Variants in PPARGC1A observed in about 807,000 individuals in gnomAD.
PPARGC1A encodes the protein PPARG coactivator 1 alpha, also known as peroxisome proliferator-activated receptor gamma coactivator 1-alpha.
A neutral mutation model predicts 88.7 loss-of-function variants in PPARGC1A; 25 were observed. The ratio of observed to expected loss-of-function variants is 0.28; its 90% confidence interval spans 0.21 to 0.39. The LOEUF is 0.39. Among genes scored for constraint, PPARGC1A ranks in the 10% least tolerant of loss-of-function variants. The pLI, the probability that PPARGC1A is intolerant of heterozygous loss-of-function variation, is 1.00. For synonymous variants in PPARGC1A, 363 were observed against 355.6 expected (o/e 1.02, Z -0.24); for missense variants, 880 against 968.7 (o/e 0.91, Z 1.22).
chr4:24,229,893 A>T, the PPARGC1A span, among the ~76,000 whole-genome samples: 1 of 151,608 alleles, frequency 6.6e-6, no homozygotes, highest in South Asian at 2.1e-4. Flanking sequence ...CTTTCTGTTC[A>T]TTGGATGCCT....
the PPARGC1A span, among the ~76,000 whole-genome samples, chr4:24,029,118 C>G: frequency 2.0e-5 from 3 of 152,112 alleles, no homozygotes; most frequent in East Asian, 3.9e-4. Flanking sequence ...CAAAGAGAAC[C>G]AAAAATTCAA....
chr4:24,406,413 G>T, the PPARGC1A span, among the ~76,000 whole-genome samples: 1 of 152,180 alleles, frequency 6.6e-6, no homozygotes, highest in Non-Finnish European at 1.5e-5. Context: ...CACCATTATT[G>T]TGTCTGTTTG....
the PPARGC1A span, among the ~76,000 whole-genome samples, chr4:24,038,072 T>C: frequency 1.3e-5 from 2 of 152,190 alleles, no homozygotes; most frequent in African/African-American, 2.4e-5. Context: ...AAGCACAGAA[T>C]AGAATGGATT....
At chr4:24,416,508 C>T in the PPARGC1A span, among the ~76,000 whole-genome samples, 5 of 152,228 alleles carry the variant, frequency 3.3e-5, no homozygotes, top group East Asian at 5.8e-4. Flanking sequence ...GGGCCAGAGA[C>T]AAAGACCTGA....
chr4:24,296,283 A>G, the PPARGC1A span, among the ~76,000 whole-genome samples: 3 of 151,810 alleles, frequency 2.0e-5, no homozygotes, highest in African/African-American at 7.3e-5. Context: ...ATTGTTTAGT[A>G]TAAGCATGTT....
the PPARGC1A span, among the ~76,000 whole-genome samples, chr4:24,119,253 C>T: frequency 1.3e-5 from 2 of 152,146 alleles, no homozygotes; most frequent in Non-Finnish European, 2.9e-5. Flanking sequence ...TAAAACCTCT[C>T]GATCTAAGCA....
At chr4:24,128,919 A>G in the PPARGC1A span, among the ~76,000 whole-genome samples, 2 of 152,218 alleles carry the variant, frequency 1.3e-5, no homozygotes, top group Admixed American at 6.5e-5. Context: ...AGAATGACAT[A>G]GAAAGTAACA....
the PPARGC1A span, among the ~76,000 whole-genome samples, chr4:24,191,280 T>A: frequency 6.6e-6 from 1 of 152,224 alleles, no homozygotes; most frequent in South Asian, 2.1e-4. Context: ...GGTACCAGGC[T>A]ATGTATTTCA....
intron 10 of PPARGC1A, among the ~76,000 whole-genome samples, chr4:23,806,100 A>C (rs1719756228): frequency 6.6e-6 from 1 of 152,190 alleles, no homozygotes; most frequent in Non-Finnish European, 1.5e-5. Context: ...TTCCACAATT[A>C]CTTGAATTAC....
the PPARGC1A span, among the ~76,000 whole-genome samples, chr4:24,416,173 G>A: frequency 2.0e-5 from 3 of 152,336 alleles, no homozygotes; most frequent in Admixed American, 2.0e-4. Flanking sequence ...GTGTGTTAAA[G>A]AAGTTTCAAG....
chr4:24,021,535 G>A, the PPARGC1A span, among the ~76,000 whole-genome samples: 1 of 121,466 alleles, frequency 8.2e-6, no homozygotes, highest in Non-Finnish European at 1.8e-5. Flanking sequence ...GGTGAGAAGT[G>A]GGGGGCATAG....
chr4:24,023,412 A>C, the PPARGC1A span, among the ~76,000 whole-genome samples: 1 of 152,184 alleles, frequency 6.6e-6, no homozygotes, highest in African/African-American at 2.4e-5. Flanking sequence ...GCCAACTGAG[A>C]TCCTCCCCAA....
chr4:24,010,020 G>C, the PPARGC1A span, among the ~76,000 whole-genome samples: 1 of 152,164 alleles, frequency 6.6e-6, no homozygotes, highest in Admixed American at 6.5e-5. Context: ...GACTAGATTA[G>C]TTGATTGGTT....
chr4:23,943,259 T>G, the PPARGC1A span, among the ~76,000 whole-genome samples: 1 of 152,214 alleles, frequency 6.6e-6, no homozygotes, highest in Non-Finnish European at 1.5e-5. Context: ...CTCTGCTTAT[T>G]GAATCTTTAC....
chr4:24,201,372 G>A, the PPARGC1A span, among the ~76,000 whole-genome samples: 1 of 152,168 alleles, frequency 6.6e-6, no homozygotes, highest in Non-Finnish European at 1.5e-5. Context: ...CAAACACTTT[G>A]GATAGAAGGA....
chr4:23,816,868 G>A (rs950869529), intron 7 of PPARGC1A, among the ~76,000 whole-genome samples: 3 of 152,146 alleles, frequency 2.0e-5, no homozygotes, highest in African/African-American at 4.8e-5. Context: ...AGTTATAAGC[G>A]CTTTGCAGGA....
chr4:24,416,403 C>T, the PPARGC1A span, among the ~76,000 whole-genome samples: 18 of 152,176 alleles, frequency 1.2e-4, no homozygotes, highest in South Asian at 1.0e-3. Flanking sequence ...AAGAGAGGCA[C>T]GGGACCATGT....
At chr4:23,880,816 C>T (rs552128349) in intron 2 of PPARGC1A, 2 of 152,286 alleles carry the variant, frequency 1.3e-5, no homozygotes, top group East Asian at 3.9e-4. Context: ...CTGTGAGAGT[C>T]CTTCTCCCCC....
intron 2 of PPARGC1A, chr4:23,866,194 A>G (rs1711945764): frequency 6.6e-6 from 1 of 152,118 alleles, no homozygotes; most frequent in Non-Finnish European, 1.5e-5. Context: ...GTCACTGAGG[A>G]GAAAGCTTTA....
Sources: gnomAD v4.1 joint callset for allele counts (sites outside exome capture counted in the v4.1 genomes callset) on GRCh38, gnomAD v4.1.1 for gene constraint, MANE v1.5 for transcripts, NCBI Gene and HGNC (gene_info 2026-07-23, HGNC 2026-07-21) for gene names.